The following GALNTL6 variants were observed in gnomAD, a reference collection of about 807,000 sequenced individuals.
GALNTL6 encodes polypeptide N-acetylgalactosaminyltransferase like 6.
In GALNTL6, 46 loss-of-function variants were observed where a neutral mutation model predicts 73.7. That is an observed-to-expected ratio of 0.62 (90% confidence interval 0.49 to 0.80). The LOEUF (loss-of-function observed/expected upper bound fraction) is 0.80, where lower values mean the gene tolerates loss of function less well. GALNTL6 is among the 30% of genes least tolerant of loss of function. The pLI is 0.00. For synonymous variants in GALNTL6, 259 were observed against 263.7 expected (o/e 0.98, Z 0.17); for missense variants, 604 against 755.0 (o/e 0.80, Z 2.34).
chr4:172,329,482 A>G (rs930180408), intron 4 of GALNTL6, among the ~76,000 whole-genome samples: 1 of 152,198 alleles, frequency 6.6e-6, no homozygotes, highest in Non-Finnish European at 1.5e-5. Flanking sequence ...AGGCTGCAAA[A>G]GAGCAAAGAT....
intron 2 of GALNTL6, among the ~76,000 whole-genome samples, chr4:171,992,988 T>C (rs1740383034): frequency 6.6e-6 from 1 of 151,366 alleles, no homozygotes; most frequent in Non-Finnish European, 1.5e-5. Context: ...GTTGCTTCTT[T>C]GTTTTGCTCT....
intron 9 of GALNTL6, among the ~76,000 whole-genome samples, chr4:172,940,785 A>G (rs558359817): frequency 3.3e-5 from 5 of 150,714 alleles, no homozygotes; most frequent in Admixed American, 6.6e-5. Context: ...GCCATCCTCC[A>G]TCTCAGCCTC....
intron 2 of GALNTL6, among the ~76,000 whole-genome samples, chr4:171,830,455 A>G (rs1734937243): frequency 6.6e-6 from 1 of 152,162 alleles, no homozygotes; most frequent in Non-Finnish European, 1.5e-5. Flanking sequence ...AGTGTCAAAA[A>G]GTTGTCTTTT....
intron 3 of GALNTL6, among the ~76,000 whole-genome samples, chr4:172,276,522 A>C (rs1738837947): frequency 6.6e-6 from 1 of 152,226 alleles, no homozygotes; most frequent in African/African-American, 2.4e-5. Flanking sequence ...TAATCTTAAA[A>C]ATTGCTCAAC....
At chr4:172,825,841 C>A (rs1253173649) in intron 7 of GALNTL6, among the ~76,000 whole-genome samples, 1 of 152,114 alleles carries the variant, frequency 6.6e-6, no homozygotes, top group Non-Finnish European at 1.5e-5. Context: ...TTCCCTCCTC[C>A]CCACATTTAT....
At chr4:172,603,179 T>G (rs1401277873) in intron 5 of GALNTL6, among the ~76,000 whole-genome samples, 1 of 152,214 alleles carries the variant, frequency 6.6e-6, no homozygotes, top group African/African-American at 2.4e-5. Context: ...TATACAGGCT[T>G]TCATTTAAAA....
chr4:172,487,345 TCTTTCTTTCTTTC>T (rs1453381296), intron 5 of GALNTL6, among the ~76,000 whole-genome samples: 10 of 137,958 alleles, frequency 7.2e-5, no homozygotes, highest in Admixed American at 6.9e-4. Flanking sequence ...TTTCTTTCTT[TCTTTCTTTCTTTC>T]CTTCTTTCCT....
rs959236594 is a variant in GALNTL6 at position 172,522,675 on chromosome 4, CCCCA to C, written c.553+173987_553+173990del. ...ACGAGTGAAACTCAGTCCCCCCCCC[CCCCA>C]AAAAAAAAGTGTATTTTACTGTAAT... On this transcript the variant is annotated intron_variant, in intron 5 of 12. Coordinates refer to ENST00000506823, the MANE Select transcript of GALNTL6 (RefSeq NM_001034845.3). Among the ~76,000 whole-genome samples, 17 of 63,922 alleles carry C rather than the reference CCCCA, an allele frequency of 2.7e-4. No individual in the cohort carries two copies. The South Asian group carries it at 0.012, about 45-fold the overall frequency. The allele number at this position is 63,922 out of a possible 152,430, so 41.9% of individuals were successfully genotyped here. A position where few individuals can be genotyped will look rare whatever the true frequency, so the allele number is the denominator to read the frequency against.
intron 5 of GALNTL6, among the ~76,000 whole-genome samples, chr4:172,477,679 G>A (rs898300748): frequency 2.6e-5 from 4 of 152,150 alleles, no homozygotes; most frequent in African/African-American, 7.2e-5. Flanking sequence ...GCTGTGATTT[G>A]TAATTCATCT....
chr4:172,006,250 T>G (rs1280184856), intron 2 of GALNTL6, among the ~76,000 whole-genome samples: 1 of 152,172 alleles, frequency 6.6e-6, no homozygotes, highest in Non-Finnish European at 1.5e-5. Flanking sequence ...GCCTGCACTA[T>G]TTTAGGGCAG....
intron 2 of GALNTL6, among the ~76,000 whole-genome samples, chr4:172,118,587 C>A (rs995561934): frequency 6.6e-6 from 1 of 151,938 alleles, no homozygotes; most frequent in African/African-American, 2.4e-5. Context: ...GTAGTCCCAG[C>A]TACTCAGGAG....
chr4:172,575,208 T>C (rs1297232322), intron 5 of GALNTL6, among the ~76,000 whole-genome samples: 1 of 152,222 alleles, frequency 6.6e-6, no homozygotes, highest in Non-Finnish European at 1.5e-5. Flanking sequence ...TTTGAAGTTG[T>C]AACTAAATTC....
intron 3 of GALNTL6, among the ~76,000 whole-genome samples, chr4:172,300,621 C>T (rs890178981): frequency 1.2e-4 from 18 of 152,142 alleles, no homozygotes; most frequent in African/African-American, 3.6e-4. Flanking sequence ...ATTTCTCCTT[C>T]ACTTATGAAG....
At chr4:171,956,769 T>C (rs1739061857) in intron 2 of GALNTL6, among the ~76,000 whole-genome samples, 1 of 152,240 alleles carries the variant, frequency 6.6e-6, no homozygotes, top group African/African-American at 2.4e-5. Context: ...CTTTGCTTTT[T>C]TCATTCTCTT....
At chr4:171,914,119 C>G (rs1486322166) in intron 2 of GALNTL6, among the ~76,000 whole-genome samples, 1 of 152,066 alleles carries the variant, frequency 6.6e-6, no homozygotes, top group East Asian at 1.9e-4. Flanking sequence ...CATCAAAACA[C>G]TATAGAGCAG....
chr4:172,910,786 C>T (rs1747156547), intron 8 of GALNTL6, among the ~76,000 whole-genome samples: 1 of 152,186 alleles, frequency 6.6e-6, no homozygotes, highest in African/African-American at 2.4e-5. Context: ...GCATGGCATC[C>T]CTTCCACAGG....
chr4:172,984,708 T>TCAGTATCATG (rs1480053500), intron 10 of GALNTL6, among the ~76,000 whole-genome samples: 4 of 152,078 alleles, frequency 2.6e-5, no homozygotes, highest in Non-Finnish European at 4.4e-5. Context: ...AGCCCAAACC[T>TCAGTATCATG]CAGTATCATG....
At chr4:172,371,655 G>T (rs953409012) in intron 5 of GALNTL6, among the ~76,000 whole-genome samples, 1 of 149,844 alleles carries the variant, frequency 6.7e-6, no homozygotes, top group Non-Finnish European at 1.5e-5. Context: ...CCTTCTCTTT[G>T]TCTCTGCTTC....
chr4:172,658,068 T>C (rs906477763), intron 5 of GALNTL6, among the ~76,000 whole-genome samples: 2 of 111,812 alleles, frequency 1.8e-5, no homozygotes, highest in African/African-American at 7.0e-5. Context: ...GAGAATGGCG[T>C]GAACCCGGGA....
Sources: allele counts gnomAD v4.1 joint callset (sites outside exome capture counted in the v4.1 genomes callset), GRCh38; gene constraint gnomAD v4.1.1; transcripts MANE v1.5; gene names NCBI Gene and HGNC (gene_info 2026-07-23, HGNC 2026-07-21).